PTPRN2: variants seen among roughly 807,000 people sequenced by gnomAD.
The protein encoded by PTPRN2 is receptor-type tyrosine-protein phosphatase N2.
Under a neutral mutation model 118.8 loss-of-function variants are expected in PTPRN2, and 74 were observed. That is an observed-to-expected ratio of 0.62 (90% CI 0.52 to 0.76). The LOEUF (loss-of-function observed/expected upper bound fraction) is 0.76, where lower values mean the gene tolerates loss of function less well. Among genes scored for constraint, PTPRN2 ranks in the 30% least tolerant of loss-of-function variants. The pLI is 0.00. For missense variants in PTPRN2, 1,481 were observed against 1,394.4 expected (o/e 1.06, Z -0.99); for synonymous variants, 641 against 608.0 (o/e 1.05, Z -0.80).
chr7:158,136,702 A>G lies in PTPRN2; in HGVS notation c.1133-7T>C, dbSNP rs374162170. Reference sequence around the variant, plus strand: ...TCGTCCTGCACTCCGTCATCTGTAAAAGACACCAGTGTTACCAAGACCCTC... The same window carrying G: ...TCGTCCTGCACTCCGTCATCTGTAAGAGACACCAGTGTTACCAAGACCCTC... On this transcript the variant is annotated splice_polypyrimidine_tract_variant and splice_region_variant and intron_variant, in intron 7 of 22. Coordinates refer to ENST00000389418, the MANE Select transcript of PTPRN2 (RefSeq NM_002847.5). 4 of 1,613,526 alleles carry G rather than the reference A, an allele frequency of 2.5e-6. No homozygotes were observed. In the African/African-American group the frequency reaches 5.3e-5, roughly 22 times the overall value.
At chr7:158,307,715 G>A (rs1801400574) in intron 3 of PTPRN2, among the ~76,000 whole-genome samples, 1 of 152,146 alleles carries the variant, frequency 6.6e-6, no homozygotes, top group African/African-American at 2.4e-5. Flanking sequence ...CACATGTTAT[G>A]GACTAGATAT....
intron 11 of PTPRN2, among the ~76,000 whole-genome samples, chr7:158,007,055 C>T (rs550986966): frequency 2.3e-4 from 35 of 152,336 alleles, no homozygotes; most frequent in Non-Finnish European, 4.1e-4. Context: ...CGCAGGCTGG[C>T]GGGCGGCCGT....
rs143681112 is a variant in PTPRN2 at position 158,098,611 on chromosome 7, G to C, written c.1643+12218C>G. 4.1e-4 allele frequency among the ~76,000 whole-genome samples: 62 copies of C among 152,316 alleles called. No homozygotes were observed. The East Asian group carries it at 0.011, about 27-fold the overall frequency. On this transcript the variant is annotated intron_variant, in intron 10 of 22. Coordinates refer to ENST00000389418, the MANE Select transcript of PTPRN2 (RefSeq NM_002847.5). ...CTCTGTGAAACCAGAGGCTCCCCGA[G>C]GCACACGCCTCCCTCGCCCGCCCCG...
rs1393227524 is a variant in PTPRN2 at position 157,921,657 on chromosome 7, C to G, written c.1724-22920G>C. ...GGCGAGCCCAGCCCCTCATGCTTGT[C>G]GTCTCATTATACATGCTCATTGGCC... On this transcript the variant is annotated intron_variant, in intron 11 of 22. Coordinates refer to ENST00000389418, the MANE Select transcript of PTPRN2 (RefSeq NM_002847.5). Among the ~76,000 whole-genome samples, 4 of 152,316 alleles carry G rather than the reference C, an allele frequency of 2.6e-5. No individual in the cohort carries two copies. In the South Asian group the frequency reaches 6.2e-4, roughly 24 times the overall value.
intron 2 of PTPRN2, among the ~76,000 whole-genome samples, chr7:158,369,457 G>A (rs1431339000): frequency 3.3e-5 from 5 of 152,042 alleles, no homozygotes; most frequent in East Asian, 1.9e-4. Flanking sequence ...CCCAACCTGG[G>A]GCCACTGGGC....
At chr7:157,984,241 G>A (rs916862891) in intron 11 of PTPRN2, among the ~76,000 whole-genome samples, 1 of 126,728 alleles carries the variant, frequency 7.9e-6, no homozygotes, top group Non-Finnish European at 1.7e-5. Flanking sequence ...CCCCACGCCA[G>A]GCTCCACCTC....
At position 157,722,422 on chromosome 7, in the gene PTPRN2, C is replaced by T. The variant is rs147779073; in HGVS notation, c.1789-39485G>A. ...GGCAGGGCGGGGGTGCAGGGGCTCTCGAGGCAGAACCTGGGACCCAGCGCC... is the reference window on the plus strand; with the variant it reads ...GGCAGGGCGGGGGTGCAGGGGCTCTTGAGGCAGAACCTGGGACCCAGCGCC... On this transcript the variant is annotated intron_variant, in intron 12 of 22. Coordinates refer to ENST00000389418, the MANE Select transcript of PTPRN2 (RefSeq NM_002847.5). Among the ~76,000 whole-genome samples the T allele has an allele frequency of 7.9e-3, 1,205 of 152,030 alleles. 10 individuals carry two copies. The highest frequency in any genetic ancestry group is 0.035 in the South Asian group (167 of 4,810).
chr7:158,439,508 A>G (rs894060539), intron 2 of PTPRN2, among the ~76,000 whole-genome samples: 3 of 151,994 alleles, frequency 2.0e-5, no homozygotes, highest in Middle Eastern at 3.4e-3. Context: ...GAAGGAAGAG[A>G]AGAAGAAGAG....
Position 158,071,409 on chromosome 7 carries a change from T to A in PTPRN2, c.1723+9889A>T, listed in dbSNP as rs377433807. Among the ~76,000 whole-genome samples the A allele has an allele frequency of 2.7e-3, 30 of 11,114 alleles. 2 individuals carry two copies. The South Asian group carries it at 0.034, about 13-fold the overall frequency. The allele number at this position is 11,114 out of a possible 152,430, so 7.3% of individuals were successfully genotyped here. A position where few individuals can be genotyped will look rare whatever the true frequency, so the allele number is the denominator to read the frequency against. ...CGTGGTGGAGGTGCTCGTGGTGGAGTTGCTCCTGGTGGTGGAGGTGCTCGT... is the reference window on the plus strand; with the variant it reads ...CGTGGTGGAGGTGCTCGTGGTGGAGATGCTCCTGGTGGTGGAGGTGCTCGT... On this transcript the variant is annotated intron_variant, in intron 11 of 22. Transcript: ENST00000389418.
intron 12 of PTPRN2, among the ~76,000 whole-genome samples, chr7:157,810,769 C>G (rs573095186): frequency 0.011 from 1,579 of 142,178 alleles, 38 homozygotes; most frequent in African/African-American, 0.038. Context: ...GACTGCTGGG[C>G]ACAGGCTCTC....
intron 2 of PTPRN2, among the ~76,000 whole-genome samples, chr7:158,343,202 GACA>G (rs987754770): frequency 3.7e-4 from 56 of 152,060 alleles, no homozygotes; most frequent in African/African-American, 9.2e-4. Flanking sequence ...ACCACAACTC[GACA>G]ACAACAACAA....
At chr7:158,417,654 GCT>G (rs1814815652) in intron 2 of PTPRN2, among the ~76,000 whole-genome samples, 1 of 150,150 alleles carries the variant, frequency 6.7e-6, no homozygotes, top group Non-Finnish European at 1.5e-5. Context: ...AGATGCTCTA[GCT>G]CTCAGTGTCC....
intron 12 of PTPRN2, among the ~76,000 whole-genome samples, chr7:157,841,054 G>A (rs574689348): frequency 2.9e-4 from 44 of 152,362 alleles, no homozygotes; most frequent in African/African-American, 1.0e-3. Context: ...TCTGCTGGAA[G>A]TGCCAGCCGT....
chr7:157,985,441 C>T (rs1219504295), intron 11 of PTPRN2, among the ~76,000 whole-genome samples: 1 of 152,186 alleles, frequency 6.6e-6, no homozygotes, highest in Non-Finnish European at 1.5e-5. Context: ...GACAGTCATC[C>T]TGGCCCAAGG....
At chr7:158,150,821 CATG>C (rs1303657518) in intron 6 of PTPRN2, among the ~76,000 whole-genome samples, 2 of 151,980 alleles carry the variant, frequency 1.3e-5, no homozygotes, top group Non-Finnish European at 2.9e-5. Flanking sequence ...TGAACTCTCC[CATG>C]ATGGTTGCAC....
intron 13 of PTPRN2, among the ~76,000 whole-genome samples, chr7:157,656,946 A>T (rs1425985724): frequency 7.2e-6 from 1 of 139,140 alleles, no homozygotes; most frequent in African/African-American, 2.7e-5. Flanking sequence ...CACCACACAC[A>T]TCACACATAT....
chr7:158,533,199 A>G (rs1251192681), intron 1 of PTPRN2, among the ~76,000 whole-genome samples: 1 of 152,176 alleles, frequency 6.6e-6, no homozygotes, highest in Non-Finnish European at 1.5e-5. Context: ...TACTGGGCTG[A>G]GTGCATTTGT....
intron 2 of PTPRN2, among the ~76,000 whole-genome samples, chr7:158,326,915 TCA>T (rs1451880240): frequency 1.4e-5 from 2 of 143,818 alleles, no homozygotes; most frequent in South Asian, 2.2e-4. Flanking sequence ...ATGCACATGC[TCA>T]CACGTTCTCA....
At chr7:158,337,597 ACC>A (rs1805917241) in intron 2 of PTPRN2, among the ~76,000 whole-genome samples, 2 of 99,826 alleles carry the variant, frequency 2.0e-5, no homozygotes, top group African/African-American at 3.6e-5. Flanking sequence ...CGTCACTCAC[ACC>A]CACACTCTCA....
Sources: allele counts gnomAD v4.1 joint callset (sites outside exome capture counted in the v4.1 genomes callset), GRCh38; gene constraint gnomAD v4.1.1; transcripts MANE v1.5; gene names NCBI Gene and HGNC (gene_info 2026-07-23, HGNC 2026-07-21).